Variants in PALM observed in about 807,000 individuals in gnomAD.
The protein encoded by PALM is paralemmin-1.
PALM carries 18 observed loss-of-function variants against 30.7 expected under a neutral mutation model. The ratio of observed to expected loss-of-function variants is 0.59; its 90% CI spans 0.41 to 0.87. PALM has a LOEUF of 0.87. Among genes scored for constraint, PALM ranks in the 40% least tolerant of loss-of-function variants. The pLI is 0.00. For missense variants in PALM, 529 were observed against 555.4 expected (o/e 0.95, Z 0.48); for synonymous variants, 286 against 242.8 (o/e 1.18, Z -1.66).
chr19:741,681 G>C (rs566060057), intron 8 of PALM, among the ~76,000 whole-genome samples: 101 of 152,090 alleles, frequency 6.6e-4, no homozygotes, highest in African/African-American at 2.3e-3. Flanking sequence ...TGAGGGCTTT[G>C]GGAAGCCTTG....
chr19:712,767 C>T (rs1023065268), intron 1 of PALM, among the ~76,000 whole-genome samples: 2 of 151,722 alleles, frequency 1.3e-5, no homozygotes, highest in African/African-American at 4.8e-5. Flanking sequence ...CCTCTGCCTC[C>T]TGGGTTCAAG....
Position 746,647 on chromosome 19 carries a change from G to C in PALM, c.997G>C (p.Asp333His), listed in dbSNP as rs1376365373. Residue 333 changes from aspartate to histidine, a missense_variant, in exon 9 of 9, where the codon GAC (aspartate) becomes CAC (histidine). Asp to His is a moderately conservative substitution (Grantham distance 81). Transcript: ENST00000338448. The surrounding 1 kb of genome is among the most constrained non-coding windows in gnomAD (Gnocchi z 7.1). The part of the protein sequence containing the change: ...TITAELVVIE[D>H]AAEPKEPAPP... ...CACGGCGGAGCTGGTGGTCATCGAAGACGCGGCTGAGCCCAAGGAGCCTGC... is the reference window on the plus strand; with the variant it reads ...CACGGCGGAGCTGGTGGTCATCGAACACGCGGCTGAGCCCAAGGAGCCTGC... 1 of 1,612,442 alleles carries C rather than the reference G, an allele frequency of 6.2e-7. No homozygotes were observed. Among genetic ancestry groups the C allele is most frequent in the Non-Finnish European group, 8.5e-7 (1 of 1,179,756 alleles).
At position 736,086 on chromosome 19, in the gene PALM, G is replaced by T; in HGVS notation, c.502+8G>T. On this transcript the variant is annotated splice_region_variant and intron_variant, in intron 7 of 8. Coordinates refer to ENST00000338448, the MANE Select transcript of PALM (RefSeq NM_002579.3). ...CCCCCATGATGAAGGCAGGTGGGTT[G>T]GCCCCCAGGCTCTGGGCCCCAGATC... is the stretch of plus-strand genomic sequence containing the variant. 6.2e-7 allele frequency: 1 copy of T among 1,603,766 alleles called. No homozygotes were observed. Among genetic ancestry groups the T allele is most frequent in the Non-Finnish European group, 8.5e-7 (1 of 1,174,354 alleles).
In PALM at chr19:741,392, A is replaced by AGGGGAGATGGGCTGCAGGG. The variant is rs1568233338; in HGVS notation, c.634+910_634+911insGGGAGATGGGCTGCAGGGG. On this transcript the variant is annotated intron_variant, in intron 8 of 8. Coordinates refer to ENST00000338448, the MANE Select transcript of PALM (RefSeq NM_002579.3). The stretch of plus-strand genomic sequence containing the variant: ...GGGCTGAGGGGAGTTGGGCTGCAGG[A>AGGGGAGATGGGCTGCAGGG]GTGAGGGGAGACGGGCTGCAGGGGT... 9.8e-3 allele frequency among the ~76,000 whole-genome samples: 883 copies of AGGGGAGATGGGCTGCAGGG among 89,996 alleles called. 278 individuals are homozygous for AGGGGAGATGGGCTGCAGGG. The highest frequency in any genetic ancestry group is 0.013 in the East Asian group (34 of 2,610). 59.0% of individuals were successfully genotyped at this position (89,996 alleles called of 152,430 possible).
chr19:718,131 G>A (rs367778204), intron 1 of PALM, among the ~76,000 whole-genome samples: 6 of 152,148 alleles, frequency 3.9e-5, no homozygotes, highest in Admixed American at 6.5e-5. Context: ...GCAGCGAGCC[G>A]AGATCGCGCC....
intron 8 of PALM, among the ~76,000 whole-genome samples, chr19:741,830 T>C (rs1262573586): frequency 6.6e-6 from 1 of 152,054 alleles, no homozygotes; most frequent in Non-Finnish European, 1.5e-5. Flanking sequence ...CCCCACTCTC[T>C]CTCTTTCTTT....
At position 746,057 on chromosome 19, in the gene PALM, C is replaced by CA. The variant is rs903097600; in HGVS notation, c.635-220dup. On this transcript the variant is annotated intron_variant, in intron 8 of 8. Transcript: ENST00000338448. This position sits in a 1 kb window ranked among gnomAD's most constrained non-coding sequence, Gnocchi z 7.1. ...TGGGCGACAGAGTGAGACTCCGTCT[C>CA]AAAAAAAATTTTTTTTCCTCATTGT... Among the ~76,000 whole-genome samples the CA allele has an allele frequency of 3.3e-5, 5 of 152,090 alleles. No individual in the cohort carries two copies. Among genetic ancestry groups the CA allele is most frequent in the Admixed American group, 6.6e-5 (1 of 15,262 alleles).
intron 5 of PALM, 144 bp from the exon 6 acceptor site, chr19:734,029 G>C: frequency 1.5e-6 from 1 of 679,512 alleles, no homozygotes; most frequent in Non-Finnish European, 2.6e-6. Flanking sequence ...TTTCTGGCCA[G>C]AGTCCCAAGA....
intron 8 of PALM, among the ~76,000 whole-genome samples, chr19:743,497 G>T (rs1284641395): frequency 6.6e-6 from 1 of 152,214 alleles, no homozygotes; most frequent in Admixed American, 6.5e-5. Context: ...CACCCTCTGG[G>T]CCTCCAGCCC....
intron 1 of PALM, among the ~76,000 whole-genome samples, chr19:712,180 G>A (rs1190014636): frequency 2.6e-5 from 4 of 151,772 alleles, no homozygotes; most frequent in Admixed American, 6.6e-5. Context: ...CCGCCACCAC[G>A]CCCGGCTAAT....
rs112240740 is a variant in PALM, at chr19:747,024, G to A, written c.*210G>A. 2,856 of 572,930 alleles carry A rather than the reference G, an allele frequency of 5.0e-3. 21 individuals carry two copies. Among genetic ancestry groups the A allele is most frequent in the Non-Finnish European group, 5.4e-3 (1,730 of 321,510 alleles). 35.5% of individuals were successfully genotyped at this position (572,930 alleles called of 1,614,324 possible). On this transcript the variant is annotated 3_prime_UTR_variant, in exon 9 of 9. Transcript: ENST00000338448. ...CCAACACTCCCCCCGAACCAGAGCC[G>A]TGCACTTGTGCCTGGTAGGAGAGAG...
chr19:741,202 C>T (rs1210280224), intron 8 of PALM, among the ~76,000 whole-genome samples: 1 of 151,970 alleles, frequency 6.6e-6, no homozygotes, highest in Admixed American at 6.6e-5. Flanking sequence ...AATGCACATC[C>T]AGGGGGCTGT....
intron 1 of PALM, among the ~76,000 whole-genome samples, chr19:724,739 C>T (rs1208168380): frequency 1.3e-5 from 2 of 152,054 alleles, no homozygotes; most frequent in African/African-American, 4.8e-5. Context: ...ACCTTAGCCT[C>T]CCGAGTAGCT....
intron 7 of PALM, among the ~76,000 whole-genome samples, chr19:737,843 C>T (rs1167667548): frequency 1.3e-5 from 2 of 151,056 alleles, no homozygotes; most frequent in Non-Finnish European, 1.5e-5. Flanking sequence ...GTGGCAGGGG[C>T]GGGAGGGGAC....
chr19:726,336 C>T (rs1415420533), intron 2 of PALM, 147 bp downstream of exon 2: 6 of 649,358 alleles, frequency 9.2e-6, no homozygotes, highest in Non-Finnish European at 1.6e-5. Context: ...ATCCTGCTGA[C>T]CCGCAGAGAA....
At chr19:736,311 C>T (rs1219052849) in intron 7 of PALM, among the ~76,000 whole-genome samples, 3 of 152,180 alleles carry the variant, frequency 2.0e-5, no homozygotes, top group East Asian at 1.9e-4. Context: ...CCCGAGAAGA[C>T]GGGCCCCACG....
At chr19:740,295 G>A (rs1250404655) in intron 7 of PALM, 57 bp from the exon 8 acceptor site, 17 of 1,496,184 alleles carry the variant, frequency 1.1e-5, no homozygotes, top group African/African-American at 4.2e-5. Context: ...GCCGCAGCCC[G>A]GCGGGGGGGT....
chr19:729,022 T>A (rs1200117556), intron 4 of PALM, among the ~76,000 whole-genome samples: 1 of 149,242 alleles, frequency 6.7e-6, no homozygotes, highest in Non-Finnish European at 1.5e-5. Flanking sequence ...AATAAATAAA[T>A]AAAAATAAAG....
intron 7 of PALM, among the ~76,000 whole-genome samples, chr19:738,129 G>A (rs1466063221): frequency 6.6e-6 from 1 of 152,034 alleles, no homozygotes; most frequent in Non-Finnish European, 1.5e-5. Flanking sequence ...GGTGGCTCAC[G>A]CCTGTAATCC....
Sources: gnomAD v4.1 joint callset for allele counts (sites outside exome capture counted in the v4.1 genomes callset) on GRCh38, gnomAD v4.1.1 for gene constraint, Gnocchi (gnomAD v3.1) non-coding constraint, MANE v1.5 for transcripts, NCBI Gene and HGNC (gene_info 2026-07-23, HGNC 2026-07-21) for gene names.